The following MARCHF3 variants were observed in gnomAD, a reference collection of about 807,000 sequenced individuals.
MARCHF3 encodes the protein membrane associated ring-CH-type finger 3, also known as E3 ubiquitin-protein ligase MARCHF3.
A neutral mutation model predicts 24.2 loss-of-function variants in MARCHF3; 13 were observed. The observed-to-expected ratio is 0.54, with a 90% CI of 0.35 to 0.85. The LOEUF (loss-of-function observed/expected upper bound fraction) is 0.85. Ranked by LOEUF, MARCHF3 falls within the 40% of genes least tolerant of loss-of-function variation. The pLI is 0.01. For missense variants in MARCHF3, 276 were observed against 325.0 expected (o/e 0.85, Z 1.16); for synonymous variants, 144 against 137.3 (o/e 1.05, Z -0.34).
intron 3 of MARCHF3, among the ~76,000 whole-genome samples, chr5:126,895,027 C>G (rs557702950): frequency 6.6e-6 from 1 of 152,140 alleles, no homozygotes; most frequent in South Asian, 2.1e-4. Context: ...TCTTTTTTCT[C>G]TAAACTTCCC....
intron 1 of MARCHF3, among the ~76,000 whole-genome samples, chr5:126,972,626 T>C (rs914258452): frequency 6.6e-6 from 1 of 152,190 alleles, no homozygotes; most frequent in Non-Finnish European, 1.5e-5. Context: ...ATTCCTCCCA[T>C]CTGAGACTGC....
chr5:127,010,143 G>A (rs76749250), intron 1 of MARCHF3, among the ~76,000 whole-genome samples: 3,405 of 152,094 alleles, frequency 0.022, 112 homozygotes, highest in African/African-American at 0.078. Flanking sequence ...TTGGCCATTC[G>A]GTCATTTACA....
chr5:126,930,939 T>G (rs1311403165), intron 1 of MARCHF3, among the ~76,000 whole-genome samples: 2 of 152,142 alleles, frequency 1.3e-5, no homozygotes, highest in Non-Finnish European at 2.9e-5. Context: ...AGAGTAATAA[T>G]GGGAAGATAA....
chr5:126,901,119 A>G (rs1241250263), intron 3 of MARCHF3, among the ~76,000 whole-genome samples: 1 of 152,098 alleles, frequency 6.6e-6, no homozygotes, highest in Admixed American at 6.6e-5. Flanking sequence ...ACAGAATACG[A>G]TAATATCTGC....
At chr5:126,975,992 T>A (rs2126832724) in intron 1 of MARCHF3, among the ~76,000 whole-genome samples, 1 of 152,334 alleles carries the variant, frequency 6.6e-6, no homozygotes, top group East Asian at 1.9e-4. Flanking sequence ...TTTGTTCCTG[T>A]CTCTCTTTTG....
intron 3 of MARCHF3, among the ~76,000 whole-genome samples, chr5:126,895,476 A>T (rs1444151894): frequency 2.0e-5 from 3 of 152,030 alleles, no homozygotes; most frequent in Non-Finnish European, 2.9e-5. Flanking sequence ...ATGGTGATGT[A>T]CAGATGGGTT....
intron 4 of MARCHF3, among the ~76,000 whole-genome samples, chr5:126,875,223 G>C (rs1372472876): frequency 6.6e-6 from 1 of 152,168 alleles, no homozygotes; most frequent in African/African-American, 2.4e-5. Context: ...TCTTAGGGTG[G>C]AGCTGACCAA....
In MARCHF3 at chr5:126,902,929, A is replaced by G. The variant is rs1034456567; in HGVS notation, c.393+12001T>C. ...GGATGGTCTGCTCAGCGACCTTGTCAGAGGTCAAGAAAGTGCTTGGCTGAC... is the reference window on the plus strand; with the variant it reads ...GGATGGTCTGCTCAGCGACCTTGTCGGAGGTCAAGAAAGTGCTTGGCTGAC... On this transcript the variant is annotated intron_variant, in intron 3 of 4. Coordinates refer to ENST00000308660, the MANE Select transcript of MARCHF3 (RefSeq NM_178450.5). Among the ~76,000 whole-genome samples, 4 of 152,090 alleles carry G rather than the reference A, an allele frequency of 2.6e-5. No individual in the cohort carries two copies. In the Admixed American group the frequency reaches 2.6e-4, roughly 10 times the overall value.
intron 1 of MARCHF3, among the ~76,000 whole-genome samples, chr5:126,960,528 CT>C (rs78684969): frequency 0.043 from 6,486 of 151,168 alleles, 215 homozygotes; most frequent in South Asian, 0.12. Flanking sequence ...AACCCTAAAA[CT>C]TTTCTTTTTA....
At chr5:126,925,042 G>T (rs1749244348) in intron 1 of MARCHF3, among the ~76,000 whole-genome samples, 1 of 152,190 alleles carries the variant, frequency 6.6e-6, no homozygotes, top group South Asian at 2.1e-4. Context: ...CCAGCCCAAT[G>T]AATTTTAAAA....
chr5:126,945,098 C>A (rs1749964828), intron 1 of MARCHF3, among the ~76,000 whole-genome samples: 1 of 152,188 alleles, frequency 6.6e-6, no homozygotes, highest in Admixed American at 6.5e-5. Flanking sequence ...CCCCTGTCAT[C>A]AGAGATGACA....
At chr5:126,993,535 C>G (rs1269900960) in intron 1 of MARCHF3, among the ~76,000 whole-genome samples, 2 of 152,204 alleles carry the variant, frequency 1.3e-5, no homozygotes, top group African/African-American at 4.8e-5. Flanking sequence ...TACCCCAACA[C>G]TGGTGACTTC....
chr5:126,885,461 G>A (rs1342903991), intron 3 of MARCHF3, among the ~76,000 whole-genome samples: 1 of 152,132 alleles, frequency 6.6e-6, no homozygotes, highest in Non-Finnish European at 1.5e-5. Context: ...CAGCTACTTG[G>A]GAGGCTGAGG....
intron 1 of MARCHF3, among the ~76,000 whole-genome samples, chr5:126,989,012 A>G (rs1751655354): frequency 6.6e-6 from 1 of 152,204 alleles, no homozygotes; most frequent in African/African-American, 2.4e-5. Context: ...AACACACTTC[A>G]TTGAAGAAAA....
rs1235134758 is a variant in MARCHF3, at chr5:126,929,747, C to T, written c.-56-11520G>A. Among the ~76,000 whole-genome samples, 3 of 152,074 alleles carry T rather than the reference C, an allele frequency of 2.0e-5. No individual in the cohort carries two copies. The South Asian group carries it at 6.2e-4, about 32-fold the overall frequency. On this transcript the variant is annotated intron_variant, in intron 1 of 4. Coordinates refer to ENST00000308660, the MANE Select transcript of MARCHF3 (RefSeq NM_178450.5). ...CCAAATCTCATCTTGAATTGTAGTT[C>T]CCATAATTCCCACGTATTGTGGGAG...
At chr5:127,014,943 T>C (rs958125979) in intron 1 of MARCHF3, among the ~76,000 whole-genome samples, 1 of 152,128 alleles carries the variant, frequency 6.6e-6, no homozygotes, top group African/African-American at 2.4e-5. Context: ...CAATGATATA[T>C]TATATAGTTT....
intron 1 of MARCHF3, among the ~76,000 whole-genome samples, chr5:126,946,071 T>G (rs1749998627): frequency 6.6e-6 from 1 of 151,950 alleles, no homozygotes; most frequent in Non-Finnish European, 1.5e-5. Context: ...TGAGTGGCAC[T>G]TAAAAAAATA....
intron 1 of MARCHF3, among the ~76,000 whole-genome samples, chr5:126,927,221 C>T (rs575979618): frequency 3.3e-5 from 5 of 152,268 alleles, no homozygotes; most frequent in African/African-American, 9.6e-5. Flanking sequence ...CAAACAAGCA[C>T]AAGAACAAAG....
intron 1 of MARCHF3, among the ~76,000 whole-genome samples, chr5:126,954,300 C>T (rs959784115): frequency 6.6e-6 from 1 of 151,326 alleles, no homozygotes; most frequent in Non-Finnish European, 1.5e-5. Context: ...CCGCCCGCCT[C>T]GGCCTCCCAA....
Sources: allele counts gnomAD v4.1 joint callset (sites outside exome capture counted in the v4.1 genomes callset), GRCh38; gene constraint gnomAD v4.1.1; transcripts MANE v1.5; gene names NCBI Gene and HGNC (gene_info 2026-07-23, HGNC 2026-07-21).